Variants in TNFAIP8 observed in about 807,000 individuals in gnomAD.
The protein encoded by TNFAIP8 is tumor necrosis factor alpha-induced protein 8.
Under a neutral mutation model 13.3 loss-of-function variants are expected in TNFAIP8, and 7 were observed. The observed-to-expected ratio is 0.52, with a 90% CI of 0.30 to 0.99. TNFAIP8 has a LOEUF of 0.99. Among genes scored for constraint, TNFAIP8 ranks in the 50% least tolerant of loss-of-function variants. The probability of loss-of-function intolerance (pLI) is 0.07; values close to 1 mark genes in which losing one functional copy is unlikely to be tolerated. For missense variants in TNFAIP8, 258 were observed against 236.9 expected, an observed-to-expected ratio of 1.09 and a Z score of -0.58; for synonymous variants, 94 against 87.6, an observed-to-expected ratio of 1.07 and a Z score of -0.41.
chr5:119,337,580 A>C (rs1425733785), intron 1 of TNFAIP8, among the ~76,000 whole-genome samples: 3 of 152,198 alleles, frequency 2.0e-5, no homozygotes, highest in Non-Finnish European at 2.9e-5. Flanking sequence ...TGTGCTTGGA[A>C]GTTAGCAGCC....
At chr5:119,352,794 G>C (rs928416275), upstream of TNFAIP8, among the ~76,000 whole-genome samples, 3 of 150,944 alleles carry the variant, frequency 2.0e-5, no homozygotes, top group Non-Finnish European at 3.0e-5. Flanking sequence ...TCGAGAGTTG[G>C]TGTTAATAAA....
chr5:119,274,789 A>G (rs1426599261), intron 1 of TNFAIP8, among the ~76,000 whole-genome samples: 1 of 152,214 alleles, frequency 6.6e-6, no homozygotes, highest in East Asian at 1.9e-4. Flanking sequence ...CTGGGCAGCT[A>G]CAAAAGTGAT....
At chr5:119,309,273 C>T (rs145719528) in intron 1 of TNFAIP8, among the ~76,000 whole-genome samples, 45 of 152,344 alleles carry the variant, frequency 3.0e-4, no homozygotes, top group African/African-American at 1.0e-3. Context: ...GGTGCCTCTG[C>T]ATCTCTGAAT....
chr5:119,370,238 A>G (rs1752022246), intron 1 of TNFAIP8, among the ~76,000 whole-genome samples: 1 of 152,190 alleles, frequency 6.6e-6, no homozygotes, highest in South Asian at 2.1e-4. Flanking sequence ...GCTTATTACT[A>G]GTTAACTCTA....
Position 119,285,492 on chromosome 5 carries a change from G to C in TNFAIP8, c.1+16585G>C, listed in dbSNP as rs142167278. 5.3e-5 allele frequency among the ~76,000 whole-genome samples: 8 copies of C among 152,230 alleles called. No homozygotes were observed. In the East Asian group the frequency reaches 1.5e-3, roughly 29 times the overall value. Reference sequence around the variant, plus strand: ...AGTCAGGAAGAACTCTGGCCCCAGAGGCTTCCCAGGAGGCTCCAGAACTAC... The same window carrying C: ...AGTCAGGAAGAACTCTGGCCCCAGACGCTTCCCAGGAGGCTCCAGAACTAC... On this transcript the variant is annotated intron_variant, in intron 1 of 1. Transcript: ENST00000274456.
At chr5:119,329,449 A>G (rs983374017) in intron 1 of TNFAIP8, among the ~76,000 whole-genome samples, 1 of 152,168 alleles carries the variant, frequency 6.6e-6, no homozygotes, top group Non-Finnish European at 1.5e-5. Context: ...AGCTGTTCAC[A>G]CTGCTTAACT....
intron 1 of TNFAIP8, among the ~76,000 whole-genome samples, chr5:119,346,174 A>G (rs955026550): frequency 2.6e-5 from 4 of 152,144 alleles, no homozygotes; most frequent in Admixed American, 2.6e-4. Flanking sequence ...CTAAGATGCT[A>G]AGGAAAGCTA....
intron 1 of TNFAIP8, 140 bp downstream of exon 1, chr5:119,356,261 G>T: frequency 1.4e-6 from 1 of 722,284 alleles, no homozygotes; most frequent in Non-Finnish European, 2.2e-6. Flanking sequence ...AGCCAAGTCG[G>T]AGCTGGATAA....
At chr5:119,351,788 C>CTTTTTTTTTTTTTTTTTTTTTTTT (rs1177061965), upstream of TNFAIP8, among the ~76,000 whole-genome samples, 5 of 138,238 alleles carry the variant, frequency 3.6e-5, 1 homozygote, top group African/African-American at 8.9e-5. Flanking sequence ...TTTTCTTTTT[C>CTTTTTTTTTTTTTTTTTTTTTTTT]TTTTTTTCTT....
At chr5:119,313,742 T>A (rs1456103140) in intron 1 of TNFAIP8, among the ~76,000 whole-genome samples, 4 of 152,336 alleles carry the variant, frequency 2.6e-5, no homozygotes, top group African/African-American at 9.6e-5. Flanking sequence ...TGCTTTTATT[T>A]GGTACATATA....
chr5:119,340,193 C>T lies in TNFAIP8; in HGVS notation c.2-52623C>T, dbSNP rs145389399. ...GAGTATCGGATTCCAAACTCCACAG[C>T]GTTGTCCCTAGCCAGCCAATCTTCC... is the stretch of plus-strand genomic sequence containing the variant. On this transcript the variant is annotated intron_variant, in intron 1 of 1. Transcript: ENST00000274456. Among the ~76,000 whole-genome samples, 1,283 of 152,302 alleles carry T rather than the reference C, an allele frequency of 8.4e-3. 9 individuals are homozygous for T. Among genetic ancestry groups the T allele is most frequent in the Non-Finnish European group, 0.014 (939 of 68,020 alleles).
chr5:119,374,061 T>C (rs917749577), intron 1 of TNFAIP8, among the ~76,000 whole-genome samples: 1 of 152,220 alleles, frequency 6.6e-6, no homozygotes, highest in Non-Finnish European at 1.5e-5. Context: ...ATTCACATAG[T>C]ATATAGGGTT....
Position 119,268,908 on chromosome 5 carries a change from G to C in TNFAIP8, c.1+1G>C. On this transcript the variant is annotated splice_donor_variant, in intron 1 of 1. Transcript: ENST00000274456. LOFTEE classifies it high-confidence loss of function. Reference sequence around the variant, plus strand: ...CGGCGCCGTCGCGCCACTCCTCCGAGTAAGTGGCTCCTGGGCGCGCCCGTC... The same window carrying C: ...CGGCGCCGTCGCGCCACTCCTCCGACTAAGTGGCTCCTGGGCGCGCCCGTC... 1 of 700,896 alleles carries C rather than the reference G, an allele frequency of 1.4e-6. No homozygotes were observed. The highest frequency in any genetic ancestry group is 2.6e-6 in the Non-Finnish European group (1 of 382,376). 43.4% of individuals were successfully genotyped at this position (700,896 alleles called of 1,614,324 possible). A position where few individuals can be genotyped will look rare whatever the true frequency, so the allele number is the denominator to read the frequency against.
intron 1 of TNFAIP8, among the ~76,000 whole-genome samples, chr5:119,340,205 C>T (rs1378875757): frequency 5.3e-5 from 8 of 152,222 alleles, no homozygotes; most frequent in Non-Finnish European, 1.2e-4. Flanking sequence ...TTGTCCCTAG[C>T]CAGCCAATCT....
chr5:119,325,147 C>T (rs1425326130), intron 1 of TNFAIP8, among the ~76,000 whole-genome samples: 1 of 152,140 alleles, frequency 6.6e-6, no homozygotes, highest in African/African-American at 2.4e-5. Flanking sequence ...AATCAGTCCC[C>T]ATGTGGATAG....
At chr5:119,338,179 C>A (rs1327946830) in intron 1 of TNFAIP8, among the ~76,000 whole-genome samples, 2 of 124,226 alleles carry the variant, frequency 1.6e-5, no homozygotes, top group African/African-American at 7.1e-5. Context: ...CACACACACA[C>A]ACACACACAC....
intron 1 of TNFAIP8, among the ~76,000 whole-genome samples, chr5:119,345,733 G>A (rs898626925): frequency 6.2e-4 from 94 of 152,284 alleles, no homozygotes; most frequent in African/African-American, 2.2e-3. Context: ...AGTCTTCAGT[G>A]GGTACAGAGT....
At chr5:119,349,339 G>T (rs1751034345) in intron 1 of TNFAIP8, among the ~76,000 whole-genome samples, 1 of 152,210 alleles carries the variant, frequency 6.6e-6, no homozygotes, top group South Asian at 2.1e-4. Context: ...GTTCCATCAT[G>T]TTCTTTACTC....
chr5:119,302,687 GA>G (rs1440501262), intron 1 of TNFAIP8, among the ~76,000 whole-genome samples: 1 of 152,110 alleles, frequency 6.6e-6, no homozygotes, highest in Non-Finnish European at 1.5e-5. Flanking sequence ...AGGTTAGCTG[GA>G]TCAGTGCGTT....
Sources: gnomAD v4.1 joint callset for allele counts (sites outside exome capture counted in the v4.1 genomes callset) on GRCh38, gnomAD v4.1.1 for gene constraint, MANE v1.5 for transcripts, NCBI Gene and HGNC (gene_info 2026-07-23, HGNC 2026-07-21) for gene names.